Variants in CADM2 observed in about 807,000 individuals in gnomAD.
CADM2 encodes the protein immunoglobulin superfamily member 4D.
In CADM2, 12 loss-of-function variants were observed where a neutral mutation model predicts 49.8. The ratio of observed to expected loss-of-function variants is 0.24; its 90% CI spans 0.15 to 0.39. CADM2 has a LOEUF of 0.39. Among genes scored for constraint, CADM2 ranks in the 10% least tolerant of loss-of-function variants. CADM2 has a pLI of 1.00. For missense variants in CADM2, 378 were observed against 492.3 expected (o/e 0.77, Z 2.20); for synonymous variants, 214 against 175.4 (o/e 1.22, Z -1.74).
At chr3:85,476,680 G>C (rs1031665337) in intron 1 of CADM2, among the ~76,000 whole-genome samples, 2 of 151,838 alleles carry the variant, frequency 1.3e-5, no homozygotes, top group Non-Finnish European at 2.9e-5. Context: ...TTAAGAATTA[G>C]TTGCAAAACA....
At chr3:85,515,457 T>C (rs1231437701) in intron 1 of CADM2, among the ~76,000 whole-genome samples, 2 of 147,608 alleles carry the variant, frequency 1.4e-5, no homozygotes, top group Non-Finnish European at 3.0e-5. Flanking sequence ...GGAGTCTGGC[T>C]CTGTTGCCCA....
intron 1 of CADM2, among the ~76,000 whole-genome samples, chr3:85,613,192 G>A (rs1198781436): frequency 1.3e-5 from 2 of 151,696 alleles, no homozygotes; most frequent in African/African-American, 4.8e-5. Context: ...ATATTAAGCA[G>A]TGAGGAAATC....
rs2072081892 is a variant in CADM2 at position 85,802,078 on chromosome 3, T to C, written c.120T>C (p.Asn40=). The C allele has an allele frequency of 6.2e-7, 1 of 1,612,922 alleles. No homozygotes were observed. Among genetic ancestry groups the C allele is most frequent in the Non-Finnish European group, 8.5e-7 (1 of 1,179,292 alleles). The change falls in exon 3 of 10, where the codon AAT becomes AAC. Residue 40 remains asparagine, a synonymous_variant. Transcript: ENST00000383699. ...AAGGGCAGTTTCCACTAACACAGAA[T>C]GTAACCGTTGTTGAAGGTGGAACTG... ...GSQGQFPLTQ[N]VTVVEGGTAI... is the part of the protein sequence containing the mutation.
At chr3:85,755,194 T>A (rs1445286148) in intron 2 of CADM2, among the ~76,000 whole-genome samples, 2 of 152,206 alleles carry the variant, frequency 1.3e-5, no homozygotes, top group East Asian at 1.9e-4. Context: ...TTACCCATAC[T>A]TGACCTGGCT....
intron 6 of CADM2, among the ~76,000 whole-genome samples, chr3:85,916,926 T>A (rs933113784): frequency 4.6e-5 from 7 of 152,356 alleles, no homozygotes; most frequent in Middle Eastern, 6.8e-3. Context: ...TGGCCAGTGA[T>A]GATGAGCATT....
intron 8 of CADM2, among the ~76,000 whole-genome samples, chr3:86,012,256 T>C (rs1731600644): frequency 6.6e-6 from 1 of 152,188 alleles, no homozygotes; most frequent in South Asian, 2.1e-4. Context: ...TATGTATAGT[T>C]ATTTTAGTAA....
chr3:85,205,393 A>T (rs7618389), intron 1 of CADM2, among the ~76,000 whole-genome samples: 10,053 of 152,172 alleles, frequency 0.066, 1,094 homozygotes, highest in African/African-American at 0.23. Flanking sequence ...TTGAAGCATG[A>T]TTTCTATCTA....
intron 3 of CADM2, among the ~76,000 whole-genome samples, chr3:85,855,632 A>G (rs1251759896): frequency 9.2e-6 from 1 of 108,432 alleles, no homozygotes; most frequent in Non-Finnish European, 1.9e-5. Context: ...ATATATATAT[A>G]TATATATATT....
intron 1 of CADM2, among the ~76,000 whole-genome samples, chr3:85,186,032 G>C (rs1332090615): frequency 6.6e-6 from 1 of 152,178 alleles, no homozygotes; most frequent in East Asian, 1.9e-4. Context: ...AAGGCAGCAG[G>C]CCTCAGCACG....
At chr3:85,273,549 T>C (rs1355985055) in intron 1 of CADM2, among the ~76,000 whole-genome samples, 1 of 151,086 alleles carries the variant, frequency 6.6e-6, no homozygotes, top group African/African-American at 2.4e-5. Context: ...ATTTATTGAA[T>C]CAAGAATATA....
intron 1 of CADM2, among the ~76,000 whole-genome samples, chr3:85,326,804 G>A (rs1243330446): frequency 6.6e-6 from 1 of 151,982 alleles, no homozygotes; most frequent in East Asian, 1.9e-4. Flanking sequence ...TTTTACTATG[G>A]CTTAAATATA....
At chr3:85,792,687 T>C (rs1313122000) in intron 2 of CADM2, among the ~76,000 whole-genome samples, 1 of 152,178 alleles carries the variant, frequency 6.6e-6, no homozygotes, top group Non-Finnish European at 1.5e-5. Flanking sequence ...GGAAGAGAGA[T>C]GGAGAAAACC....
At chr3:85,526,138 A>G (rs958516441) in intron 1 of CADM2, among the ~76,000 whole-genome samples, 2 of 109,828 alleles carry the variant, frequency 1.8e-5, no homozygotes, top group African/African-American at 5.5e-5. Context: ...AATTCTCTCA[A>G]TATAGTAAAT....
chr3:85,797,039 A>G (rs1559663462), intron 2 of CADM2, among the ~76,000 whole-genome samples: 2 of 151,448 alleles, frequency 1.3e-5, no homozygotes, highest in East Asian at 1.9e-4. Flanking sequence ...GGTTGCAGTG[A>G]GCCAAGATTA....
intron 1 of CADM2, among the ~76,000 whole-genome samples, chr3:85,635,202 G>A (rs1576984302): frequency 6.6e-6 from 1 of 152,008 alleles, no homozygotes; most frequent in East Asian, 1.9e-4. Flanking sequence ...CATGAAAATG[G>A]TAAGGATCAC....
chr3:85,567,277 C>T (rs17023022), intron 1 of CADM2, among the ~76,000 whole-genome samples: 3,274 of 152,238 alleles, frequency 0.022, 145 homozygotes, highest in South Asian at 0.1. Flanking sequence ...CCCCTGTAGG[C>T]GAGCAATGTA....
intron 1 of CADM2, among the ~76,000 whole-genome samples, chr3:85,565,594 A>G (rs574173630): frequency 1.3e-5 from 2 of 152,202 alleles, no homozygotes; most frequent in Non-Finnish European, 2.9e-5. Context: ...CAATGCTCAT[A>G]TCTCTCTGTG....
intron 1 of CADM2, among the ~76,000 whole-genome samples, chr3:84,986,056 A>T (rs994754945): frequency 3.9e-5 from 6 of 152,228 alleles, no homozygotes; most frequent in Non-Finnish European, 8.8e-5. Context: ...AATTTCAGAA[A>T]AGGCAACACT....
chr3:85,246,814 A>G (rs1446328337), intron 1 of CADM2, among the ~76,000 whole-genome samples: 1 of 152,112 alleles, frequency 6.6e-6, no homozygotes, highest in Non-Finnish European at 1.5e-5. Context: ...CTGCCAAATT[A>G]CTTCCACTTT....
Sources: allele counts gnomAD v4.1 joint callset (sites outside exome capture counted in the v4.1 genomes callset), GRCh38; gene constraint gnomAD v4.1.1; transcripts MANE v1.5; gene names NCBI Gene and HGNC (gene_info 2026-07-23, HGNC 2026-07-21).